Variants in COL4A4 observed in about 807,000 individuals in gnomAD.
COL4A4 encodes collagen alpha-4(IV) chain.
In COL4A4, 105 loss-of-function variants were observed where a neutral mutation model predicts 192.9. The ratio of observed to expected loss-of-function variants is 0.54; its 90% CI spans 0.46 to 0.64. COL4A4 has a LOEUF of 0.64. COL4A4 is among the 30% of genes least tolerant of loss of function. The probability of loss-of-function intolerance (pLI) is 0.00; values close to 1 mark genes in which losing one functional copy is unlikely to be tolerated. For synonymous variants in COL4A4, 762 were observed against 769.9 expected, an observed-to-expected ratio of 0.99 and a Z score of 0.17; for missense variants, 1,967 against 2,169.3, an observed-to-expected ratio of 0.91 and a Z score of 1.85.
At chr2:226,974,827 T>C in the COL4A4 span, among the ~76,000 whole-genome samples, 1 of 152,176 alleles carries the variant, frequency 6.6e-6, no homozygotes, top group Admixed American at 6.5e-5. Context: ...TGTCATCGTA[T>C]AATTGGAGAT....
chr2:227,143,458 C>G (rs2063351930), intron 3 of COL4A4, among the ~76,000 whole-genome samples: 1 of 152,150 alleles, frequency 6.6e-6, no homozygotes, highest in Non-Finnish European at 1.5e-5. Flanking sequence ...CCTTTAAAAC[C>G]CAATGATAAT....
At position 227,106,079 on chromosome 2, in the gene COL4A4, AC is replaced by A. The variant is rs1297744597; in HGVS notation, c.736-2028del. ...AAAAAAGAGTTCAATTTCTACCTAAACCTGGGAAATTGAAGAAAAGCCAGAT... is the reference window on the plus strand; with the variant it reads ...AAAAAAGAGTTCAATTTCTACCTAAACTGGGAAATTGAAGAAAAGCCAGAT... On this transcript the variant is annotated intron_variant, in intron 12 of 47. Transcript: ENST00000396625. Among the ~76,000 whole-genome samples, 17 of 151,714 alleles carry A rather than the reference AC, an allele frequency of 1.1e-4. No homozygotes were observed. In the South Asian group the frequency reaches 3.5e-3, roughly 32 times the overall value.
intron 4 of COL4A4, among the ~76,000 whole-genome samples, chr2:227,137,264 T>C (rs534163525): frequency 1.4e-4 from 22 of 152,158 alleles, no homozygotes; most frequent in African/African-American, 5.3e-4. Flanking sequence ...GAAGGACCAA[T>C]GGGGGTACGT....
intron 35 of COL4A4, among the ~76,000 whole-genome samples, chr2:227,043,406 C>T (rs1420733028): frequency 6.6e-6 from 1 of 152,178 alleles, no homozygotes; most frequent in Non-Finnish European, 1.5e-5. Flanking sequence ...ACAGATAATA[C>T]CCACAATTTT....
intron 29 of COL4A4, 98 bp downstream of exon 29, chr2:227,057,341 A>C (rs1576187115): frequency 7.2e-7 from 1 of 1,380,140 alleles, no homozygotes; most frequent in Non-Finnish European, 1.0e-6. Flanking sequence ...CTGACTCAGG[A>C]CTCTTGCTTC....
chr2:227,030,306 T>C, intron 41 of COL4A4, 137 bp downstream of exon 41: 1 of 960,644 alleles, frequency 1.0e-6, no homozygotes, highest in East Asian at 2.4e-5. Context: ...TTCAGGACTC[T>C]TTGGGGAAAT....
rs1975204103 is a variant in COL4A4, at chr2:227,055,848, GT to G, written c.2716+96del. The G allele has an allele frequency of 3.6e-6, 4 of 1,117,018 alleles. No homozygotes were observed. In the South Asian group the frequency reaches 4.2e-5, roughly 12 times the overall value. 69.2% of individuals were successfully genotyped at this position (1,117,018 alleles called of 1,614,324 possible). The stretch of plus-strand genomic sequence containing the variant: ...AGGGAAGGACAAAGCCAGACTAACA[GT>G]TAACTCTTTTTGTGTGGTCATCTGT... On this transcript the variant is annotated intron_variant, in intron 30 of 47. Coordinates refer to ENST00000396625, the MANE Select transcript of COL4A4 (RefSeq NM_000092.5).
chr2:227,057,094 T>A (rs1975561989), intron 29 of COL4A4, among the ~76,000 whole-genome samples: 1 of 152,176 alleles, frequency 6.6e-6, no homozygotes, highest in Non-Finnish European at 1.5e-5. Context: ...CTTCTCAAGC[T>A]TGTGTTTGCA....
Position 227,013,925 on chromosome 2 carries a change from A to G in COL4A4, c.4217-1628T>C, listed in dbSNP as rs190233236. ...ATAACCATTAAATGAGTGTGTTAAC[A>G]CAGACGCTGACCGAAACCCTCTACC... is the stretch of plus-strand genomic sequence containing the variant. On this transcript the variant is annotated intron_variant, in intron 44 of 47. Coordinates refer to ENST00000396625, the MANE Select transcript of COL4A4 (RefSeq NM_000092.5). 7.0e-4 allele frequency among the ~76,000 whole-genome samples: 107 copies of G among 152,192 alleles called. 2 individuals are homozygous for G. The highest frequency in any genetic ancestry group is 7.0e-3 in the Admixed American group (107 of 15,300).
chr2:227,070,558 T>A (rs186599271), intron 25 of COL4A4, among the ~76,000 whole-genome samples: 1 of 152,124 alleles, frequency 6.6e-6, no homozygotes, highest in African/African-American at 2.4e-5. Context: ...AATGAGTGCA[T>A]GTCCTTTGTA....
intron 17 of COL4A4, among the ~76,000 whole-genome samples, chr2:227,100,779 TA>T (rs2060465402): frequency 6.8e-6 from 1 of 147,010 alleles, no homozygotes; most frequent in African/African-American, 2.6e-5. Flanking sequence ...GTGATTGAAT[TA>T]TGGGGGGTGG....
rs2060398282 is a variant in COL4A4 at position 227,099,669 on chromosome 2, C to T, written c.1050G>A (p.Gly350=). The T allele has an allele frequency of 6.2e-7, 1 of 1,614,018 alleles. No homozygotes were observed. Among genetic ancestry groups the T allele is most frequent in the Non-Finnish European group, 8.5e-7 (1 of 1,179,930 alleles). Residue 350 remains glycine, a synonymous_variant, in exon 18 of 48, where the codon GGG becomes GGA. Coordinates refer to ENST00000396625, the MANE Select transcript of COL4A4 (RefSeq NM_000092.5). ...CCAAAACACCTGGTGGTCCTGGGTG[C>T]CCTCGATTTCCAGGATCCCCCTGAA... ...IGPKGDPGNR[G]HPGPPGVLVT...
chr2:226,988,669 C>A, the COL4A4 span: 1 of 984,166 alleles, frequency 1.0e-6, no homozygotes, highest in Non-Finnish European at 1.2e-6. Flanking sequence ...TTTTAATATT[C>A]CGAAGGGTTT....
intron 16 of COL4A4, 30 bp downstream of exon 16, chr2:227,101,835 T>C: frequency 4.0e-6 from 6 of 1,503,044 alleles, no homozygotes; most frequent in Non-Finnish European, 5.5e-6. Context: ...ATGAAATGTA[T>C]TTATTATCTC....
intron 36 of COL4A4, among the ~76,000 whole-genome samples, chr2:227,042,853 C>T (rs1281499782): frequency 6.6e-6 from 1 of 152,192 alleles, no homozygotes; most frequent in Non-Finnish European, 1.5e-5. Context: ...TGGTGCCATG[C>T]TAGGCACTTT....
chr2:227,108,397 C>T lies in COL4A4; in HGVS notation c.735+184G>A, dbSNP rs547664554. ...ACCCGAAAGTAGTGTTAAATTGTGTCAGATCTTTCATTTTACAGTCAAGGG... is the reference window on the plus strand; with the variant it reads ...ACCCGAAAGTAGTGTTAAATTGTGTTAGATCTTTCATTTTACAGTCAAGGG... On this transcript the variant is annotated intron_variant, in intron 12 of 47. Transcript: ENST00000396625. Among the ~76,000 whole-genome samples the T allele has an allele frequency of 3.9e-5, 6 of 152,224 alleles. No homozygotes were observed. In the South Asian group the frequency reaches 1.2e-3, roughly 32 times the overall value.
At chr2:227,060,369 T>C in intron 26 of COL4A4, 126 bp from the exon 27 acceptor site, 1 of 692,918 alleles carries the variant, frequency 1.4e-6, no homozygotes, top group South Asian at 1.7e-5. Context: ...GAAGTAAGGA[T>C]GTTGCCTATC....
At chr2:227,100,318 C>T (rs527640181) in intron 17 of COL4A4, among the ~76,000 whole-genome samples, 1 of 152,048 alleles carries the variant, frequency 6.6e-6, no homozygotes, top group East Asian at 1.9e-4. Context: ...AGGATCACTT[C>T]TCAAATGTAG....
intron 42 of COL4A4, among the ~76,000 whole-genome samples, chr2:227,026,791 T>C (rs1966913013): frequency 6.6e-6 from 1 of 152,158 alleles, no homozygotes; most frequent in African/African-American, 2.4e-5. Context: ...ACTGAATAGC[T>C]TTCTCCCTTC....
Sources: allele counts gnomAD v4.1 joint callset (sites outside exome capture counted in the v4.1 genomes callset), GRCh38; gene constraint gnomAD v4.1.1; transcripts MANE v1.5; gene names NCBI Gene and HGNC (gene_info 2026-07-23, HGNC 2026-07-21).